MAGI1: variants seen among roughly 807,000 people sequenced by gnomAD.
MAGI1 encodes membrane associated guanylate kinase, WW and PDZ domain containing 1.
Under a neutral mutation model 139.9 loss-of-function variants are expected in MAGI1, and 58 were observed. That is an observed-to-expected ratio of 0.41 (90% CI 0.34 to 0.52). MAGI1 has a LOEUF of 0.52. Among genes scored for constraint, MAGI1 ranks in the 20% least tolerant of loss-of-function variants. The pLI is 0.12. For synonymous variants in MAGI1, 812 were observed against 737.9 expected, an observed-to-expected ratio of 1.10 and a Z score of -1.63; for missense variants, 1,874 against 1,901.6, an observed-to-expected ratio of 0.99 and a Z score of 0.27.
intron 1 of MAGI1, among the ~76,000 whole-genome samples, chr3:65,974,087 ATC>A (rs2065137302): frequency 6.6e-6 from 1 of 152,090 alleles, no homozygotes. Flanking sequence ...GAAAAATAAA[ATC>A]TTTCTTATTT....
chr3:65,369,881 T>C lies in MAGI1; in HGVS notation c.3197-4935A>G, dbSNP rs139881796. On this transcript the variant is annotated intron_variant, in intron 18 of 22. Coordinates refer to ENST00000402939, the MANE Select transcript of MAGI1 (RefSeq NM_001033057.2). ...ACCTTCAGTCTCCTTGTAGATATCA[T>C]GAAACAAATGGTTTTTGGGCCACTT... Among the ~76,000 whole-genome samples the C allele has an allele frequency of 5.0e-3, 763 of 152,254 alleles. 4 individuals carry two copies. Among genetic ancestry groups the C allele is most frequent in the African/African-American group, 0.018 (735 of 41,556 alleles).
At chr3:65,478,845 G>GAAA (rs1951063380) in intron 3 of MAGI1, 47 bp from the exon 4 acceptor site, 1 of 1,443,282 alleles carries the variant, frequency 6.9e-7, no homozygotes, top group African/African-American at 1.7e-5. Context: ...GGAATACTTT[G>GAAA]TGTTTTTTTT....
chr3:66,006,277 GA>G (rs1381381413), intron 1 of MAGI1, among the ~76,000 whole-genome samples: 1 of 152,166 alleles, frequency 6.6e-6, no homozygotes, highest in Non-Finnish European at 1.5e-5. Flanking sequence ...ATGAGAGGCT[GA>G]AAAACTATTA....
At chr3:65,703,721 T>C (rs2089773848) in intron 1 of MAGI1, among the ~76,000 whole-genome samples, 1 of 152,182 alleles carries the variant, frequency 6.6e-6, no homozygotes, top group African/African-American at 2.4e-5. Flanking sequence ...TGTGCCCAGA[T>C]GCCTCCACCT....
chr3:65,430,692 A>ACGCTACCTGTTTCCATCTTGC lies in MAGI1; in HGVS notation c.1532_1546+6dup. On this transcript the variant is annotated splice_region_variant and intron_variant, in intron 11 of 22. Transcript: ENST00000402939. ...CACAGAACACACTAAGGCCATGTTG[A>ACGCTACCTGTTTCCATCTTGC]CGCTACCTGTTTCCATCTTGCCATC... 2 of 1,612,698 alleles carry ACGCTACCTGTTTCCATCTTGC rather than the reference A, an allele frequency of 1.2e-6. No homozygotes were observed. Among genetic ancestry groups the ACGCTACCTGTTTCCATCTTGC allele is most frequent in the Non-Finnish European group, 1.7e-6 (2 of 1,179,432 alleles).
chr3:65,937,274 C>T (rs1215247771), intron 1 of MAGI1, among the ~76,000 whole-genome samples: 2 of 113,972 alleles, frequency 1.8e-5, no homozygotes, highest in Non-Finnish European at 3.5e-5. Context: ...AGCCTATTTG[C>T]AGACCTCAGC....
At chr3:65,358,074 A>G (rs1940389412) in intron 22 of MAGI1, among the ~76,000 whole-genome samples, 1 of 152,164 alleles carries the variant, frequency 6.6e-6, no homozygotes, top group South Asian at 2.1e-4. Context: ...AATGACATCT[A>G]AGAGCTTGGA....
intron 1 of MAGI1, among the ~76,000 whole-genome samples, chr3:65,655,134 G>T (rs1465927097): frequency 7.2e-5 from 11 of 152,112 alleles, no homozygotes; most frequent in Non-Finnish European, 1.3e-4. Flanking sequence ...GTGTAAAGCA[G>T]GGTAGAGTGG....
At chr3:65,878,954 C>A (rs993424643) in intron 1 of MAGI1, among the ~76,000 whole-genome samples, 1 of 152,156 alleles carries the variant, frequency 6.6e-6, no homozygotes, top group South Asian at 2.1e-4. Flanking sequence ...TCATTCAGCC[C>A]GCCTGACTTC....
chr3:65,893,371 G>T (rs997030186), intron 1 of MAGI1, among the ~76,000 whole-genome samples: 1 of 149,178 alleles, frequency 6.7e-6, no homozygotes, highest in African/African-American at 2.5e-5. Flanking sequence ...CATTCAAACC[G>T]GTTTCTTGCC....
At chr3:65,674,680 C>T (rs1470298205) in intron 1 of MAGI1, among the ~76,000 whole-genome samples, 4 of 152,026 alleles carry the variant, frequency 2.6e-5, no homozygotes, top group Non-Finnish European at 4.4e-5. Flanking sequence ...TCAGTATTCC[C>T]ACTCCTGCTG....
intron 2 of MAGI1, among the ~76,000 whole-genome samples, chr3:65,602,739 T>C (rs930077731): frequency 6.6e-6 from 1 of 151,700 alleles, no homozygotes; most frequent in Non-Finnish European, 1.5e-5. Context: ...GAAGAAATAA[T>C]GAAATTAAGG....
intron 1 of MAGI1, among the ~76,000 whole-genome samples, chr3:65,772,750 G>T (rs1292199647): frequency 2.0e-5 from 3 of 152,224 alleles, no homozygotes; most frequent in Non-Finnish European, 4.4e-5. Flanking sequence ...ATGAGTCTAA[G>T]TTTGGGACAA....
Position 65,882,057 on chromosome 3 carries a change from T to A in MAGI1, c.313+155939A>T, listed in dbSNP as rs200910155. Reference sequence around the variant, plus strand: ...AGGTTTGCCAACAGGGAGAAATGCATTAAAATGCAACAATAAACATTCTAT... The same window carrying A: ...AGGTTTGCCAACAGGGAGAAATGCAATAAAATGCAACAATAAACATTCTAT... On this transcript the variant is annotated intron_variant, in intron 1 of 22. Transcript: ENST00000402939. Among the ~76,000 whole-genome samples, 4 of 152,338 alleles carry A rather than the reference T, an allele frequency of 2.6e-5. No individual in the cohort carries two copies. In the East Asian group the frequency reaches 7.7e-4, roughly 29 times the overall value.
chr3:65,620,695 G>A (rs908538481), intron 2 of MAGI1, among the ~76,000 whole-genome samples: 1 of 152,340 alleles, frequency 6.6e-6, no homozygotes, highest in East Asian at 1.9e-4. Context: ...AGGACCACAA[G>A]TTCACATTAA....
At chr3:65,386,568 G>A (rs752621654) in intron 14 of MAGI1, among the ~76,000 whole-genome samples, 10 of 152,102 alleles carry the variant, frequency 6.6e-5, no homozygotes, top group Non-Finnish European at 1.3e-4. Flanking sequence ...GTCCTCTGAG[G>A]CCACCTCTTC....
At chr3:65,538,718 A>C (rs1326239398) in intron 2 of MAGI1, among the ~76,000 whole-genome samples, 9 of 152,004 alleles carry the variant, frequency 5.9e-5, no homozygotes, top group Non-Finnish European at 1.2e-4. Flanking sequence ...TAATATCCAC[A>C]CCAGACGGAC....
chr3:65,498,970 C>T (rs2076978846), intron 2 of MAGI1: 14 of 982,550 alleles, frequency 1.4e-5, no homozygotes, highest in Non-Finnish European at 1.6e-5. Context: ...GTACCATGTC[C>T]CAAACAACTT....
At chr3:65,451,422 A>C (rs1017425329) in intron 6 of MAGI1, among the ~76,000 whole-genome samples, 22 of 152,320 alleles carry the variant, frequency 1.4e-4, no homozygotes, top group Admixed American at 8.5e-4. Flanking sequence ...ATGATCTTTG[A>C]AAACTGGTTA....
Sources: gnomAD v4.1 joint callset for allele counts (sites outside exome capture counted in the v4.1 genomes callset) on GRCh38, gnomAD v4.1.1 for gene constraint, MANE v1.5 for transcripts, NCBI Gene and HGNC (gene_info 2026-07-23, HGNC 2026-07-21) for gene names.